CD96: variants seen among roughly 807,000 people sequenced by gnomAD.
CD96 encodes the protein T-cell surface protein tactile.
A neutral mutation model predicts 71.3 loss-of-function variants in CD96; 70 were observed. The ratio of observed to expected loss-of-function variants is 0.98; its 90% confidence interval spans 0.81 to 1.20. CD96 has a LOEUF of 1.20. Ranked by LOEUF, CD96 falls within the 50% of genes most tolerant of loss-of-function variation. The probability of loss-of-function intolerance (pLI) is 0.00; values close to 1 mark genes in which losing one functional copy is unlikely to be tolerated. For missense variants in CD96, 742 were observed against 677.5 expected (o/e 1.10, Z -1.06); for synonymous variants, 248 against 233.0 (o/e 1.06, Z -0.59).
At chr3:111,566,949 A>G (rs1049637273) in intron 2 of CD96, among the ~76,000 whole-genome samples, 8 of 152,180 alleles carry the variant, frequency 5.3e-5, no homozygotes, top group African/African-American at 1.9e-4. Flanking sequence ...TGCAAAATTA[A>G]GAGTAAACCC....
At chr3:111,638,573 A>G (rs1482878266) in intron 12 of CD96, among the ~76,000 whole-genome samples, 1 of 152,232 alleles carries the variant, frequency 6.6e-6, no homozygotes, top group Non-Finnish European at 1.5e-5. Flanking sequence ...AACAAAGAGT[A>G]CTCCTATAAT....
chr3:111,660,659 A>G (rs778636595), intron 14 of CD96, among the ~76,000 whole-genome samples: 4 of 152,240 alleles, frequency 2.6e-5, no homozygotes, highest in Admixed American at 6.5e-5. Flanking sequence ...TGGTTCTGGT[A>G]CAAAAACAGA....
In CD96 at chr3:111,585,328, C is replaced by G. The variant is rs1427893357; in HGVS notation, c.757C>G (p.Pro253Ala). 1 of 1,609,122 alleles carries G rather than the reference C, an allele frequency of 6.2e-7. No individual in the cohort carries two copies. The highest frequency in any genetic ancestry group is 8.5e-7 in the Non-Finnish European group (1 of 1,175,718). The change falls in exon 5 of 14, where the codon CCA (proline) becomes GCA (alanine). Residue 253 changes from proline to alanine, a missense_variant. Transcript: ENST00000352690. ...SSTTVKVFAKPEIPVIVENNS... is the reference protein window; with the variant it reads ...SSTTVKVFAKAEIPVIVENNS... ...ATGTTTTATTTGCCTTTAAGCTAAA[C>G]CAGAAATCCCTGTGATTGTGGAAAA... is the stretch of plus-strand genomic sequence containing the variant.
chr3:111,543,083 G>T (rs1308308372), intron 1 of CD96, among the ~76,000 whole-genome samples: 1 of 152,202 alleles, frequency 6.6e-6, no homozygotes, highest in Non-Finnish European at 1.5e-5. Context: ...CTCACAGGAA[G>T]TTACATTAAA....
chr3:111,664,765 AG>A (rs1270238873), intron 14 of CD96, among the ~76,000 whole-genome samples: 3 of 152,258 alleles, frequency 2.0e-5, no homozygotes, highest in Non-Finnish European at 4.4e-5. Flanking sequence ...AGATTAAAGG[AG>A]GCTAAAGAGA....
chr3:111,623,884 A>G (rs1938622924), intron 9 of CD96, 62 bp downstream of exon 9: 2 of 1,015,400 alleles, frequency 2.0e-6, no homozygotes, highest in Non-Finnish European at 3.2e-6. Context: ...AAGTTTTACT[A>G]CTGCTTCTAT....
chr3:111,643,073 A>G (rs1328629714), intron 12 of CD96, among the ~76,000 whole-genome samples: 1 of 150,428 alleles, frequency 6.6e-6, no homozygotes, highest in Non-Finnish European at 1.5e-5. Flanking sequence ...AAATCCTTAA[A>G]AAAAAAAAAA....
At chr3:111,621,762 A>G (rs375010620) in intron 8 of CD96, among the ~76,000 whole-genome samples, 1 of 152,188 alleles carries the variant, frequency 6.6e-6, no homozygotes, top group East Asian at 1.9e-4. Flanking sequence ...TCTCACTGCA[A>G]GTGAACAATG....
Position 111,647,652 on chromosome 3 carries a change from G to A in CD96, c.1587G>A (p.Gln529=), listed in dbSNP as rs770582361. The A allele has an allele frequency of 2.5e-6, 4 of 1,608,472 alleles. No individual in the cohort carries two copies. In the East Asian group the frequency reaches 8.9e-5, roughly 36 times the overall value. The change falls in exon 13 of 14, where the codon CAG becomes CAA. Residue 529 remains glutamine, a synonymous_variant. Transcript: ENST00000352690. ...LFGLGVRKWC[Q]YQKEIMERPP... is the part of the protein sequence containing the mutation. ...GTCTTGGAGTGAGAAAATGGTGTCAGTACCAAAAAGAAATGTGAGTATAAT... is the reference window on the plus strand; with the variant it reads ...GTCTTGGAGTGAGAAAATGGTGTCAATACCAAAAAGAAATGTGAGTATAAT...
At chr3:111,600,251 A>G (rs1422848600) in intron 6 of CD96, among the ~76,000 whole-genome samples, 1 of 152,246 alleles carries the variant, frequency 6.6e-6, no homozygotes, top group Non-Finnish European at 1.5e-5. Flanking sequence ...CTACTGATAT[A>G]TACACAGAAG....
intron 1 of CD96, among the ~76,000 whole-genome samples, chr3:111,544,681 C>T (rs1457946837): frequency 2.0e-5 from 3 of 152,150 alleles, no homozygotes; most frequent in Non-Finnish European, 1.5e-5. Context: ...ACCCAAAAAG[C>T]CAATTATATT....
chr3:111,628,253 A>T (rs538505965), intron 10 of CD96, among the ~76,000 whole-genome samples: 5 of 152,308 alleles, frequency 3.3e-5, no homozygotes, highest in Admixed American at 1.3e-4. Context: ...GCACATTGTA[A>T]CCCAATGCAA....
At chr3:111,637,318 C>A in intron 11 of CD96, 57 bp downstream of exon 11, 1 of 934,894 alleles carries the variant, frequency 1.1e-6, no homozygotes, top group Non-Finnish European at 1.8e-6. Context: ...TTTATTTGGA[C>A]ACAGGTGTAA....
chr3:111,601,584 C>T (rs1937500415), intron 7 of CD96, among the ~76,000 whole-genome samples: 1 of 152,120 alleles, frequency 6.6e-6, no homozygotes, highest in Non-Finnish European at 1.5e-5. Context: ...AATACAGTGA[C>T]AACAGATATG....
At chr3:111,588,954 CTTTT>C (rs772858162) in intron 5 of CD96, among the ~76,000 whole-genome samples, 1 of 136,254 alleles carries the variant, frequency 7.3e-6, no homozygotes, top group African/African-American at 2.7e-5. Flanking sequence ...CTTTTTTTTT[CTTTT>C]TTTTTTTTTT....
chr3:111,585,354 T>C lies in CD96; in HGVS notation c.783T>C (p.Asn261=), dbSNP rs770726244. 6.2e-7 allele frequency: 1 copy of C among 1,610,784 alleles called. No homozygotes were observed. The highest frequency in any genetic ancestry group is 1.1e-5 in the South Asian group (1 of 91,012). ...CAGAAATCCCTGTGATTGTGGAAAA[T>C]AACTCCACGGATGTCTTGGTAGAGG... is the stretch of plus-strand genomic sequence containing the variant. ...AKPEIPVIVE[N]NSTDVLVERR... is the part of the protein sequence containing the mutation. The change falls in exon 5 of 14, where the codon AAT becomes AAC. Residue 261 remains asparagine (N), a synonymous_variant. Transcript: ENST00000352690.
At chr3:111,596,149 G>C (rs909365155) in intron 5 of CD96, among the ~76,000 whole-genome samples, 4 of 144,070 alleles carry the variant, frequency 2.8e-5, no homozygotes, top group African/African-American at 9.8e-5. Context: ...GCGACAGAGG[G>C]AGACTCTGTC....
chr3:111,590,181 A>C (rs779367462), intron 5 of CD96, among the ~76,000 whole-genome samples: 2 of 152,204 alleles, frequency 1.3e-5, no homozygotes, highest in Non-Finnish European at 2.9e-5. Flanking sequence ...TCCAGCACTT[A>C]TTAACTCTGG....
intron 3 of CD96, among the ~76,000 whole-genome samples, chr3:111,577,954 T>C (rs941864038): frequency 1.3e-5 from 2 of 152,220 alleles, no homozygotes; most frequent in African/African-American, 4.8e-5. Context: ...TTGTTTAGAG[T>C]TAGGCCAGTA....
Sources: allele counts gnomAD v4.1 joint callset (sites outside exome capture counted in the v4.1 genomes callset), GRCh38; gene constraint gnomAD v4.1.1; transcripts MANE v1.5; gene names NCBI Gene and HGNC (gene_info 2026-07-23, HGNC 2026-07-21).